The following BMPR1B variants were observed in gnomAD, a reference collection of about 807,000 sequenced individuals.
The protein encoded by BMPR1B is bone morphogenetic protein receptor type-1B.
BMPR1B carries 12 observed loss-of-function variants against 59.1 expected under a neutral mutation model. The ratio of observed to expected loss-of-function variants is 0.20; its 90% CI spans 0.13 to 0.33. The LOEUF is 0.33. BMPR1B is among the 10% of genes least tolerant of loss of function. The pLI, the probability that BMPR1B is intolerant of heterozygous loss-of-function variation, is 1.00. For synonymous variants in BMPR1B, 237 were observed against 207.3 expected (o/e 1.14, Z -1.23); for missense variants, 550 against 610.9 (o/e 0.90, Z 1.05).
At chr4:94,862,348 A>G (rs1213469075) in intron 1 of BMPR1B, among the ~76,000 whole-genome samples, 1 of 151,444 alleles carries the variant, frequency 6.6e-6, no homozygotes, top group Non-Finnish European at 1.5e-5. Context: ...GCGGGGTTTC[A>G]CCATGTTGGC....
chr4:95,065,364 T>A (rs570181914), intron 3 of BMPR1B, among the ~76,000 whole-genome samples: 1 of 152,310 alleles, frequency 6.6e-6, no homozygotes, highest in South Asian at 2.1e-4. Flanking sequence ...TAAAATTATG[T>A]CATTTGATGG....
At chr4:95,091,602 A>G (rs1729991955) in intron 3 of BMPR1B, 5 of 985,188 alleles carry the variant, frequency 5.1e-6, no homozygotes, top group Non-Finnish European at 6.0e-6. Context: ...CCTGGCAACC[A>G]TATATCAAGC....
intron 3 of BMPR1B, among the ~76,000 whole-genome samples, chr4:95,012,656 A>G (rs916743359): frequency 6.6e-6 from 1 of 152,160 alleles, no homozygotes; most frequent in African/African-American, 2.4e-5. Context: ...CCAGCTGTGT[A>G]AATATACGTA....
intron 2 of BMPR1B, among the ~76,000 whole-genome samples, chr4:94,881,950 G>C (rs148238345): frequency 6.6e-6 from 1 of 152,100 alleles, no homozygotes; most frequent in Non-Finnish European, 1.5e-5. Flanking sequence ...CTCAACCCTG[G>C]CTATGCACCT....
rs5860387 is a variant in BMPR1B at position 95,051,944 on chromosome 4, GCTTT to G, written c.-17-52461_-17-52458del. Among the ~76,000 whole-genome samples, 13,634 of 152,094 alleles carry G rather than the reference GCTTT, an allele frequency of 0.09. 669 individuals carry two copies. Among genetic ancestry groups the G allele is most frequent in the Middle Eastern group, 0.16 (48 of 292 alleles). On this transcript the variant is annotated intron_variant, in intron 3 of 12. Coordinates refer to ENST00000515059, the MANE Select transcript of BMPR1B (RefSeq NM_001203.3). ...TTACTACTTTCTCTATTATGGCAAG[GCTTT>G]CTAAGTACTCTGTTAGAATAATTTT...
intron 3 of BMPR1B, among the ~76,000 whole-genome samples, chr4:95,096,724 A>G (rs1407668309): frequency 1.5e-5 from 1 of 67,338 alleles, no homozygotes; most frequent in African/African-American, 4.6e-5. Flanking sequence ...GGCATATATA[A>G]CTATATATAG....
intron 8 of BMPR1B, among the ~76,000 whole-genome samples, chr4:95,126,220 T>C (rs573045030): frequency 6.6e-6 from 1 of 152,260 alleles, no homozygotes; most frequent in African/African-American, 2.4e-5. Context: ...CTCTTTGGGG[T>C]AGAGGTTACA....
At chr4:94,813,219 C>T (rs564069239) in intron 1 of BMPR1B, among the ~76,000 whole-genome samples, 4 of 151,536 alleles carry the variant, frequency 2.6e-5, no homozygotes, top group East Asian at 1.9e-4. Flanking sequence ...ATATATATAG[C>T]GGCAGGTGGT....
intron 1 of BMPR1B, among the ~76,000 whole-genome samples, chr4:94,774,482 A>G (rs1367242948): frequency 2.0e-5 from 3 of 152,060 alleles, no homozygotes; most frequent in Non-Finnish European, 4.4e-5. Context: ...AATCCCCTTT[A>G]TGTGGACTCT....
intron 1 of BMPR1B, among the ~76,000 whole-genome samples, chr4:94,853,591 T>C (rs1056550954): frequency 1.3e-5 from 2 of 152,182 alleles, no homozygotes; most frequent in African/African-American, 4.8e-5. Context: ...TAAGAGATAT[T>C]CAAAATAAGC....
intron 12 of BMPR1B, among the ~76,000 whole-genome samples, chr4:95,153,773 C>G (rs531947442): frequency 3.9e-5 from 6 of 152,262 alleles, no homozygotes; most frequent in African/African-American, 1.4e-4. Flanking sequence ...TTGCTTGAAC[C>G]CGGAAGGCGG....
intron 3 of BMPR1B, among the ~76,000 whole-genome samples, chr4:95,029,412 A>G (rs568322199): frequency 2.0e-5 from 3 of 146,808 alleles, no homozygotes; most frequent in Non-Finnish European, 3.0e-5. Flanking sequence ...CCATGTCCCT[A>G]CAAAGGACAT....
chr4:94,865,839 A>T (rs370372752), intron 1 of BMPR1B, among the ~76,000 whole-genome samples: 1 of 151,144 alleles, frequency 6.6e-6, no homozygotes, highest in Non-Finnish European at 1.5e-5. Context: ...ATTGAAAAAC[A>T]TTTTTTTTTC....
chr4:94,864,938 C>G (rs1366126041), intron 1 of BMPR1B, among the ~76,000 whole-genome samples: 3 of 151,888 alleles, frequency 2.0e-5, no homozygotes, highest in Non-Finnish European at 4.4e-5. Context: ...TGGAGGTTTG[C>G]TTTATAATTT....
At chr4:95,003,675 C>T (rs1722610861) in intron 3 of BMPR1B, among the ~76,000 whole-genome samples, 1 of 151,874 alleles carries the variant, frequency 6.6e-6, no homozygotes, top group Non-Finnish European at 1.5e-5. Flanking sequence ...CATTGGATGA[C>T]TTATTTCTAT....
At chr4:95,035,381 A>T (rs924940405) in intron 3 of BMPR1B, among the ~76,000 whole-genome samples, 8 of 152,106 alleles carry the variant, frequency 5.3e-5, no homozygotes, top group Admixed American at 2.6e-4. Context: ...AGTTTTTCCA[A>T]TGTTATATTC....
Position 94,899,660 on chromosome 4 carries a change from G to A in BMPR1B, c.-113+23760G>A, listed in dbSNP as rs546126286. Among the ~76,000 whole-genome samples the A allele has an allele frequency of 9.2e-5, 14 of 151,956 alleles. No homozygotes were observed. The South Asian group carries it at 2.3e-3, about 25-fold the overall frequency. On this transcript the variant is annotated intron_variant, in intron 2 of 12. Transcript: ENST00000515059. ...TTTTTTGAGATGCAGCAAAAGAAGC[G>A]TTGATGTTTTATAACTGGTGTTTAA...
At chr4:94,781,515 C>G (rs983135925) in intron 1 of BMPR1B, among the ~76,000 whole-genome samples, 1 of 152,062 alleles carries the variant, frequency 6.6e-6, no homozygotes, top group East Asian at 1.9e-4. Context: ...CAGATTCAAG[C>G]GATTCCCCTG....
intron 1 of BMPR1B, among the ~76,000 whole-genome samples, chr4:94,871,831 G>A (rs893871370): frequency 2.0e-5 from 3 of 152,102 alleles, no homozygotes; most frequent in Non-Finnish European, 2.9e-5. Flanking sequence ...AATACTTTAA[G>A]GCCTTCCTTA....
Sources: allele counts gnomAD v4.1 joint callset (sites outside exome capture counted in the v4.1 genomes callset), GRCh38; gene constraint gnomAD v4.1.1; transcripts MANE v1.5; gene names NCBI Gene and HGNC (gene_info 2026-07-23, HGNC 2026-07-21).